The following PTPRT variants were observed in gnomAD, a reference collection of about 807,000 sequenced individuals.
PTPRT encodes the protein protein tyrosine phosphatase receptor type T, also known as receptor-type tyrosine-protein phosphatase T.
Under a neutral mutation model 176.8 loss-of-function variants are expected in PTPRT, and 56 were observed. That is an observed-to-expected ratio of 0.32 (90% CI 0.26 to 0.40). PTPRT has a LOEUF of 0.40. PTPRT is among the 10% of genes least tolerant of loss of function. PTPRT has a pLI of 1.00. For missense variants in PTPRT, 1,540 were observed against 1,908.2 expected (o/e 0.81, Z 3.60); for synonymous variants, 783 against 739.0 (o/e 1.06, Z -0.96).
In PTPRT at chr20:42,786,932, C is replaced by T. The variant is rs182272821; in HGVS notation, c.486+4263G>A. Among the ~76,000 whole-genome samples, 13 of 152,320 alleles carry T rather than the reference C, an allele frequency of 8.5e-5. No homozygotes were observed. In the East Asian group the frequency reaches 2.5e-3, roughly 29 times the overall value. On this transcript the variant is annotated intron_variant, in intron 3 of 30. Transcript: ENST00000373187. ...CAACTCTGGACATCATCAGCTTTAT[C>T]ATGTACATCAGGGTTCAGCTATGGC...
intron 1 of PTPRT, among the ~76,000 whole-genome samples, chr20:43,184,865 A>G (rs894965801): frequency 6.6e-6 from 1 of 152,016 alleles, no homozygotes; most frequent in African/African-American, 2.4e-5. Flanking sequence ...TGCAACTCTT[A>G]CCAATAGATA....
chr20:42,412,214 G>A (rs2059025923), intron 9 of PTPRT, among the ~76,000 whole-genome samples: 1 of 152,178 alleles, frequency 6.6e-6, no homozygotes, highest in East Asian at 1.9e-4. Context: ...AAGTTCAGTG[G>A]TACAAAGACA....
intron 6 of PTPRT, among the ~76,000 whole-genome samples, chr20:42,734,217 A>G (rs2076503938): frequency 6.6e-6 from 1 of 152,148 alleles, no homozygotes; most frequent in Non-Finnish European, 1.5e-5. Flanking sequence ...TGGGACTGGG[A>G]TCCTCATAGA....
At chr20:43,020,250 A>G (rs1268877503) in intron 1 of PTPRT, among the ~76,000 whole-genome samples, 4 of 148,194 alleles carry the variant, frequency 2.7e-5, no homozygotes, top group Non-Finnish European at 5.9e-5. Context: ...TTTATGTTAT[A>G]TATATATTTG....
chr20:43,109,420 G>A (rs1349924872), intron 1 of PTPRT, among the ~76,000 whole-genome samples: 4 of 152,032 alleles, frequency 2.6e-5, no homozygotes, highest in Admixed American at 6.6e-5. Flanking sequence ...CACCAAAACC[G>A]GGCCTGATCT....
chr20:42,532,157 G>A (rs1023485702), intron 7 of PTPRT, among the ~76,000 whole-genome samples: 1 of 152,136 alleles, frequency 6.6e-6, no homozygotes, highest in African/African-American at 2.4e-5. Flanking sequence ...CTTGGAAGAA[G>A]TGTGTGGCTT....
intron 7 of PTPRT, among the ~76,000 whole-genome samples, chr20:42,532,094 T>G (rs1188576101): frequency 6.6e-6 from 1 of 152,154 alleles, no homozygotes; most frequent in Non-Finnish European, 1.5e-5. Flanking sequence ...TGGGACCCTT[T>G]GTCTCTCTCG....
intron 1 of PTPRT, among the ~76,000 whole-genome samples, chr20:43,165,037 G>T (rs1026313112): frequency 6.6e-6 from 1 of 152,132 alleles, no homozygotes; most frequent in African/African-American, 2.4e-5. Context: ...TGTGTCATGG[G>T]AGGGACCCAG....
At chr20:42,931,048 A>G (rs1472052659) in intron 1 of PTPRT, among the ~76,000 whole-genome samples, 2 of 152,072 alleles carry the variant, frequency 1.3e-5, no homozygotes, top group East Asian at 3.9e-4. Flanking sequence ...CACCACCAAT[A>G]TCCCTGGCAG....
intron 17 of PTPRT, among the ~76,000 whole-genome samples, chr20:42,142,221 T>C (rs1375755280): frequency 6.6e-6 from 1 of 152,220 alleles, no homozygotes; most frequent in Admixed American, 6.5e-5. Flanking sequence ...TTCTGTGTCA[T>C]GAGTTCACAA....
chr20:42,811,016 A>C (rs1482471892), intron 2 of PTPRT, among the ~76,000 whole-genome samples: 1 of 152,232 alleles, frequency 6.6e-6, no homozygotes. Flanking sequence ...AGAAAGCTAC[A>C]AAGAATAAAA....
rs867978482 is a variant in PTPRT, at chr20:42,099,548, G to A, written c.3715-996C>T. 6.5e-4 allele frequency among the ~76,000 whole-genome samples: 31 copies of A among 47,676 alleles called. No individual in the cohort carries two copies. The East Asian group carries it at 9.5e-3, about 15-fold the overall frequency. The allele number at this position is 47,676 out of a possible 152,430, so 31.3% of individuals were successfully genotyped here. A position where few individuals can be genotyped will look rare whatever the true frequency, so the allele number is the denominator to read the frequency against. The stretch of plus-strand genomic sequence containing the variant: ...AGGCCCAGAGAAAATGGCCTGGGCG[G>A]GGGGGGGGGGGGTGGGGTGGTCTGG... On this transcript the variant is annotated intron_variant, in intron 26 of 30. Transcript: ENST00000373187.
Position 42,917,395 on chromosome 20 carries a change from C to T in PTPRT, c.89-31463G>A, listed in dbSNP as rs3901149. Among the ~76,000 whole-genome samples the T allele has an allele frequency of 5.3e-3, 805 of 152,102 alleles. 9 individuals are homozygous for T. The highest frequency in any genetic ancestry group is 0.018 in the African/African-American group (752 of 41,468). On this transcript the variant is annotated intron_variant, in intron 1 of 30. Transcript: ENST00000373187. ...TAGTATAGTTTGAAGTCAGGTAGCG[C>T]GATGCCTCCAGCTTTGTTCTTTTGG...
intron 4 of PTPRT, among the ~76,000 whole-genome samples, chr20:42,775,512 G>C (rs1263447892): frequency 6.6e-6 from 1 of 152,156 alleles, no homozygotes; most frequent in Non-Finnish European, 1.5e-5. Context: ...GGCTAACACT[G>C]AGAAACAGCA....
chr20:42,068,260 C>A (rs1181709586), downstream of PTPRT, among the ~76,000 whole-genome samples: 2 of 152,158 alleles, frequency 1.3e-5, no homozygotes, highest in African/African-American at 4.8e-5. Context: ...AGGAAAGGCA[C>A]CATGGACTTC....
chr20:42,919,738 C>T (rs1979021821), intron 1 of PTPRT, among the ~76,000 whole-genome samples: 1 of 152,198 alleles, frequency 6.6e-6, no homozygotes, highest in Non-Finnish European at 1.5e-5. Flanking sequence ...GTAAGAAGAC[C>T]TTCGAATTCC....
intron 1 of PTPRT, among the ~76,000 whole-genome samples, chr20:42,941,206 A>T (rs950067537): frequency 2.6e-5 from 4 of 152,162 alleles, no homozygotes; most frequent in East Asian, 1.9e-4. Context: ...AAAAGTGGAG[A>T]AAAAAGCTTC....
intron 2 of PTPRT, among the ~76,000 whole-genome samples, chr20:42,834,089 GA>G (rs57916588): frequency 0.26 from 37,664 of 143,962 alleles, 6,036 homozygotes; most frequent in Non-Finnish European, 0.37. Context: ...CATAGGCTGG[GA>G]AAAAAAAATT....
intron 2 of PTPRT, among the ~76,000 whole-genome samples, chr20:42,868,373 G>T (rs4643600): frequency 0.26 from 39,167 of 152,102 alleles, 5,122 homozygotes; most frequent in African/African-American, 0.3. Flanking sequence ...AGATAGCCAA[G>T]AACTTGGCTG....
Sources: allele counts gnomAD v4.1 joint callset (sites outside exome capture counted in the v4.1 genomes callset), GRCh38; gene constraint gnomAD v4.1.1; transcripts MANE v1.5; gene names NCBI Gene and HGNC (gene_info 2026-07-23, HGNC 2026-07-21).